Variants in CLEC16A observed in about 807,000 individuals in gnomAD.
CLEC16A encodes the protein protein CLEC16A.
A neutral mutation model predicts 109.5 loss-of-function variants in CLEC16A; 51 were observed. The ratio of observed to expected loss-of-function variants is 0.47; its 90% CI spans 0.37 to 0.59. CLEC16A has a LOEUF of 0.59. Among genes scored for constraint, CLEC16A ranks in the 20% least tolerant of loss-of-function variants. The pLI, the probability that CLEC16A is intolerant of heterozygous loss-of-function variation, is 0.00. For synonymous variants in CLEC16A, 673 were observed against 564.2 expected (o/e 1.19, Z -2.73); for missense variants, 1,339 against 1,394.0 (o/e 0.96, Z 0.63).
chr16:11,118,346 C>T (rs895302324), intron 19 of CLEC16A, among the ~76,000 whole-genome samples: 5 of 146,096 alleles, frequency 3.4e-5, no homozygotes, highest in South Asian at 2.3e-4. Context: ...TCTCATTTAA[C>T]GCACCAAACA....
Position 11,181,799 on chromosome 16 carries a change from C to G in CLEC16A, c.*3109C>G, listed in dbSNP as rs200516203. On this transcript the variant is annotated 3_prime_UTR_variant, in exon 24 of 24. Transcript: ENST00000409790. ...GCAACCTAAGGGGCAGGTGAAGAAGCGCAGCCCTGCCAGACGCGCTAGATT... is the reference window on the plus strand; with the variant it reads ...GCAACCTAAGGGGCAGGTGAAGAAGGGCAGCCCTGCCAGACGCGCTAGATT... 1.3e-5 allele frequency: 2 copies of G among 152,630 alleles called. No homozygotes were observed. The highest frequency in any genetic ancestry group is 2.9e-5 in the Non-Finnish European group (2 of 68,038). 9.5% of individuals were successfully genotyped at this position (152,630 alleles called of 1,614,324 possible). A position where few individuals can be genotyped will look rare whatever the true frequency, so the allele number is the denominator to read the frequency against.
At chr16:11,169,393 T>G (rs904270694) in intron 23 of CLEC16A, among the ~76,000 whole-genome samples, 1 of 152,136 alleles carries the variant, frequency 6.6e-6, no homozygotes, top group African/African-American at 2.4e-5. Flanking sequence ...TTCAAGCAAT[T>G]CTCTCACCTC....
intron 3 of CLEC16A, among the ~76,000 whole-genome samples, chr16:10,964,823 C>A (rs775618027): frequency 6.6e-6 from 1 of 152,132 alleles, no homozygotes; most frequent in Admixed American, 6.5e-5. Flanking sequence ...GAAATAATCA[C>A]GGCAATCAAG....
chr16:11,109,235 G>A (rs990831593), intron 19 of CLEC16A, among the ~76,000 whole-genome samples: 2 of 149,926 alleles, frequency 1.3e-5, no homozygotes, highest in African/African-American at 2.5e-5. Flanking sequence ...GTGCGATCAT[G>A]ACCCAGTGCA....
At chr16:11,160,773 G>A (rs1234944230) in intron 22 of CLEC16A, among the ~76,000 whole-genome samples, 5 of 152,214 alleles carry the variant, frequency 3.3e-5, no homozygotes, top group Non-Finnish European at 5.9e-5. Flanking sequence ...ACACAAAGAC[G>A]TCAGGGACCC....
At chr16:11,153,507 T>A (rs150182468) in intron 22 of CLEC16A, among the ~76,000 whole-genome samples, 1 of 151,528 alleles carries the variant, frequency 6.6e-6, no homozygotes, top group Non-Finnish European at 1.5e-5. Flanking sequence ...CTCTAACAGA[T>A]TAAAAAGGCT....
At position 11,123,855 on chromosome 16, in the gene CLEC16A, C is replaced by G; in HGVS notation, c.2382C>G (p.Ile794Met). The change falls in exon 21 of 24, where the codon ATC becomes ATG. Residue 794 changes from isoleucine (I) to methionine (M), a missense_variant. This residue lies in a region of CLEC16A where 1,061 missense variants were observed against 1,006.8 expected (regional missense o/e 1.05). Coordinates refer to ENST00000409790, the MANE Select transcript of CLEC16A (RefSeq NM_015226.3). ...TCCCCATCCTCCAGGCCACCTTCAT[C>G]TTCTCAGACCACATCCGCTGCATCA... ...KPFPILQATF[I>M]FSDHIRCIIA... The G allele has an allele frequency of 6.2e-7, 1 of 1,614,074 alleles. No individual in the cohort carries two copies. Among genetic ancestry groups the G allele is most frequent in the Non-Finnish European group, 8.5e-7 (1 of 1,179,910 alleles).
intron 10 of CLEC16A, among the ~76,000 whole-genome samples, chr16:10,983,807 G>A (rs941343140): frequency 6.6e-5 from 10 of 152,048 alleles, no homozygotes; most frequent in South Asian, 4.2e-4. Context: ...CGCCTTTACC[G>A]TACCTACAGC....
At chr16:11,058,452 T>G (rs961183368) in intron 18 of CLEC16A, among the ~76,000 whole-genome samples, 1 of 152,104 alleles carries the variant, frequency 6.6e-6, no homozygotes, top group African/African-American at 2.4e-5. Context: ...GCTATGTAAA[T>G]AGTTTGTTAT....
chr16:11,103,617 T>A (rs2051049659), intron 19 of CLEC16A, among the ~76,000 whole-genome samples: 1 of 152,126 alleles, frequency 6.6e-6, no homozygotes, highest in Non-Finnish European at 1.5e-5. Context: ...CAAGAAGCCT[T>A]CTCTGACCCT....
Position 11,166,504 on chromosome 16 carries a change from G to A in CLEC16A, c.2758G>A (p.Gly920Arg). Residue 920 changes from glycine to arginine, a missense_variant, in exon 23 of 24, where the codon GGA becomes AGA. By Grantham distance (125) the Gly-to-Arg change is moderately radical (BLOSUM62 -2). Coordinates refer to ENST00000409790, the MANE Select transcript of CLEC16A (RefSeq NM_015226.3). The part of the protein sequence containing the change: ...GSGSTSHCDS[G>R]GTSSSSTPST... ...CGGGAGCACCAGCCACTGCGACTCT[G>A]GAGGCACCAGCTCGTCCTCCACCCC... is the stretch of plus-strand genomic sequence containing the variant. 1 of 1,609,304 alleles carries A rather than the reference G, an allele frequency of 6.2e-7. No homozygotes were observed. The highest frequency in any genetic ancestry group is 8.5e-7 in the Non-Finnish European group (1 of 1,179,520).
chr16:11,083,245 A>G (rs968365358), intron 19 of CLEC16A, among the ~76,000 whole-genome samples: 2 of 152,158 alleles, frequency 1.3e-5, no homozygotes, highest in Non-Finnish European at 2.9e-5. Context: ...TCACTACAGC[A>G]TCAAACTCCT....
chr16:11,067,865 A>C (rs965409553), intron 19 of CLEC16A, among the ~76,000 whole-genome samples: 1 of 152,218 alleles, frequency 6.6e-6, no homozygotes, highest in East Asian at 1.9e-4. Context: ...GCCTAGGTAC[A>C]GGGGCTTTTA....
At position 11,053,662 on chromosome 16, in the gene CLEC16A, C is replaced by T. The variant is rs115708022; in HGVS notation, c.1995+2021C>T. On this transcript the variant is annotated intron_variant, in intron 18 of 23. Transcript: ENST00000409790. Reference sequence around the variant, plus strand: ...CTAGGATTACAGATGTGAACCACCACGCCCTGTCCACAGGGGAAGAAATTG... The same window carrying T: ...CTAGGATTACAGATGTGAACCACCATGCCCTGTCCACAGGGGAAGAAATTG... Among the ~76,000 whole-genome samples the T allele has an allele frequency of 9.9e-3, 1,514 of 152,284 alleles. 33 individuals carry two copies. Among genetic ancestry groups the T allele is most frequent in the African/African-American group, 0.035 (1,438 of 41,550 alleles).
chr16:10,973,893 T>C (rs940372706), intron 7 of CLEC16A, among the ~76,000 whole-genome samples: 7 of 92,218 alleles, frequency 7.6e-5, no homozygotes, highest in Non-Finnish European at 1.5e-4. Context: ...CTTGCTTTTT[T>C]TTTTTTTTTT....
At chr16:11,014,246 T>C (rs2045607956) in intron 11 of CLEC16A, among the ~76,000 whole-genome samples, 1 of 152,250 alleles carries the variant, frequency 6.6e-6, no homozygotes, top group African/African-American at 2.4e-5. Context: ...CACTTAGCAA[T>C]GTCTCCGGAA....
chr16:11,000,654 C>A (rs150150701), intron 10 of CLEC16A, among the ~76,000 whole-genome samples: 2 of 152,218 alleles, frequency 1.3e-5, no homozygotes, highest in East Asian at 3.9e-4. Flanking sequence ...CGGTTATTGG[C>A]GTCTGTAATA....
At chr16:11,051,891 G>T (rs1028412804) in intron 18 of CLEC16A, among the ~76,000 whole-genome samples, 4 of 152,260 alleles carry the variant, frequency 2.6e-5, no homozygotes, top group Non-Finnish European at 4.4e-5. Flanking sequence ...GCCTTCACCA[G>T]TGCAGACAGA....
chr16:11,080,186 A>G (rs1382345176), intron 19 of CLEC16A, among the ~76,000 whole-genome samples: 1 of 152,222 alleles, frequency 6.6e-6, no homozygotes, highest in Non-Finnish European at 1.5e-5. Context: ...AATGGTAGGC[A>G]CTGTGCTAGC....
Sources: allele counts gnomAD v4.1 joint callset (sites outside exome capture counted in the v4.1 genomes callset), GRCh38; gene constraint gnomAD v4.1.1; regional missense constraint gnomAD v4.1.1; transcripts MANE v1.5; gene names NCBI Gene and HGNC (gene_info 2026-07-23, HGNC 2026-07-21).